CPS1: variants seen among roughly 807,000 people sequenced by gnomAD.
The protein encoded by CPS1 is carbamoyl-phosphate synthase [ammonia], mitochondrial.
CPS1 carries 109 observed loss-of-function variants against 174.6 expected under a neutral mutation model. The observed-to-expected ratio is 0.62, with a 90% CI of 0.53 to 0.73. The LOEUF is 0.73. CPS1 is among the 30% of genes least tolerant of loss of function. The pLI, the probability that CPS1 is intolerant of heterozygous loss-of-function variation, is 0.00. For synonymous variants in CPS1, 637 were observed against 632.0 expected, an observed-to-expected ratio of 1.01 and a Z score of -0.12; for missense variants, 1,689 against 1,821.9, an observed-to-expected ratio of 0.93 and a Z score of 1.33.
chr2:210,609,617 C>T (rs1237697231), intron 19 of CPS1, among the ~76,000 whole-genome samples: 2 of 151,930 alleles, frequency 1.3e-5, no homozygotes, highest in African/African-American at 4.8e-5. Context: ...TATCATTTGT[C>T]TATCTACCAT....
At chr2:210,491,336 TTTGAGAC>T (rs1694871570) in intron 1 of CPS1, among the ~76,000 whole-genome samples, 1 of 91,156 alleles carries the variant, frequency 1.1e-5, no homozygotes, top group Admixed American at 1.3e-4. Flanking sequence ...TTTTTTTTTT[TTTGAGAC>T]GGAGTCTTGT....
chr2:210,677,123 T>A lies in CPS1; in HGVS notation c.4391T>A (p.Leu1464His). 6.2e-7 allele frequency: 1 copy of A among 1,613,870 alleles called. No individual in the cohort carries two copies. Among genetic ancestry groups the A allele is most frequent in the Non-Finnish European group, 8.5e-7 (1 of 1,179,760 alleles). The change falls in exon 37 of 38, where the codon CTC (leucine) becomes CAC (histidine). Residue 1464 changes from leucine to histidine, a missense_variant. By Grantham distance (99) the Leu-to-His change is moderately conservative (BLOSUM62 -3). Transcript: ENST00000233072. ...RTAVDSGIPL[L>H]TNFQVTKLFA... is the part of the protein sequence containing the mutation. ...GCTGTTGATAGTGGAATCCCTCTCCTCACTAATTTTCAGGTATAGTCTTTT... is the reference window on the plus strand; with the variant it reads ...GCTGTTGATAGTGGAATCCCTCTCCACACTAATTTTCAGGTATAGTCTTTT...
At chr2:210,670,137 T>G (rs1339441282) in intron 34 of CPS1, among the ~76,000 whole-genome samples, 1 of 152,102 alleles carries the variant, frequency 6.6e-6, no homozygotes, top group African/African-American at 2.4e-5. Context: ...TTAAAAGAAA[T>G]AAATGTTCTA....
chr2:210,479,913 TC>T (rs1694515067), intron 1 of CPS1, among the ~76,000 whole-genome samples: 1 of 152,162 alleles, frequency 6.6e-6, no homozygotes, highest in Admixed American at 6.5e-5. Flanking sequence ...CTTCTGGAAA[TC>T]TGGGATGATT....
rs777916457 is a variant in CPS1, at chr2:210,663,143, C to T, written c.3948C>T (p.Pro1316=). 1 of 1,613,874 alleles carries T rather than the reference C, an allele frequency of 6.2e-7. No homozygotes were observed. The highest frequency in any genetic ancestry group is 8.5e-7 in the Non-Finnish European group (1 of 1,179,986). Residue 1316 remains proline (P), a synonymous_variant, in exon 33 of 38, where the codon CCC becomes CCT. Transcript: ENST00000233072. ...VAIKAPMFSW[P]RLRDADPILR... is the part of the protein sequence containing the mutation. ...AACAGGCTCCCATGTTTTCCTGGCC[C>T]CGGTTGAGGGATGCTGACCCCATTC...
Position 210,608,465 on chromosome 2 carries a change from T to G in CPS1, c.2297T>G (p.Leu766Arg). 6.2e-7 allele frequency: 1 copy of G among 1,612,538 alleles called. No individual in the cohort carries two copies. Among genetic ancestry groups the G allele is most frequent in the Middle Eastern group, 1.7e-4 (1 of 6,050 alleles). ...ACATCAGCCTGTTTTGAACCTAGCC[T>G]GGATTACATGGTCACCAAGATTCCC... The part of the protein sequence containing the change: ...GKTSACFEPS[L>R]DYMVTKIPRW... The change falls in exon 19 of 38, where the codon CTG becomes CGG. Residue 766 changes from leucine (L) to arginine (R), a missense_variant. Coordinates refer to ENST00000233072, the MANE Select transcript of CPS1 (RefSeq NM_001875.5).
intron 24 of CPS1, among the ~76,000 whole-genome samples, chr2:210,641,867 G>C (rs1700236415): frequency 6.6e-6 from 1 of 152,198 alleles, no homozygotes; most frequent in African/African-American, 2.4e-5. Context: ...CATCCCAGTA[G>C]ACGTGATATT....
intron 4 of CPS1, among the ~76,000 whole-genome samples, chr2:210,577,903 T>G (rs1461662220): frequency 6.6e-6 from 1 of 152,260 alleles, no homozygotes; most frequent in East Asian, 1.9e-4. Flanking sequence ...TACTGTTAAC[T>G]GGTTGTGTAA....
In CPS1 at chr2:210,608,492, G is replaced by A. The variant is rs766970243; in HGVS notation, c.2324G>A (p.Arg775His). ...GATTACATGGTCACCAAGATTCCCC[G>A]CTGGGATCTTGACCGTTTTCATGGA... ...SLDYMVTKIP[R>H]WDLDRFHGTS... Residue 775 changes from arginine to histidine, a missense_variant, in exon 19 of 38, where the codon CGC (arginine) becomes CAC (histidine). Transcript: ENST00000233072. 7.4e-6 allele frequency: 12 copies of A among 1,612,326 alleles called. No homozygotes were observed. Among genetic ancestry groups the A allele is most frequent in the South Asian group, 1.1e-5 (1 of 91,046 alleles).
chr2:210,645,762 G>C (rs1472777880), intron 25 of CPS1, among the ~76,000 whole-genome samples: 1 of 152,186 alleles, frequency 6.6e-6, no homozygotes, highest in Non-Finnish European at 1.5e-5. Flanking sequence ...CAGCGTTCAT[G>C]TACAAGCTCT....
At chr2:210,604,530 GC>G (rs1425279729) in intron 16 of CPS1, among the ~76,000 whole-genome samples, 1 of 151,750 alleles carries the variant, frequency 6.6e-6, no homozygotes, top group Non-Finnish European at 1.5e-5. Context: ...GAGTATTTAA[GC>G]ATTTAGGCAG....
intron 1 of CPS1, among the ~76,000 whole-genome samples, chr2:210,559,031 C>T (rs762580315): frequency 6.6e-6 from 1 of 152,078 alleles, no homozygotes; most frequent in African/African-American, 2.4e-5. Context: ...CCCAAGGGGA[C>T]TTGTGTTATT....
chr2:210,586,371 T>C (rs1698108501), intron 6 of CPS1, among the ~76,000 whole-genome samples: 1 of 152,104 alleles, frequency 6.6e-6, no homozygotes, highest in South Asian at 2.1e-4. Context: ...TTCATATGAC[T>C]TCCCCTTGTT....
chr2:210,673,101 T>G (rs1258274692), intron 34 of CPS1: 1 of 152,266 alleles, frequency 6.6e-6, no homozygotes, highest in Non-Finnish European at 1.5e-5. Context: ...ATCACTAATA[T>G]GGTTTATAAA....
chr2:210,562,945 T>C (rs1254062876), intron 1 of CPS1, among the ~76,000 whole-genome samples: 1 of 151,640 alleles, frequency 6.6e-6, no homozygotes, highest in East Asian at 1.9e-4. Flanking sequence ...AACATTTTAG[T>C]GGTGGAGTCT....
chr2:210,620,539 T>C (rs1042339982), intron 21 of CPS1, among the ~76,000 whole-genome samples: 1 of 152,050 alleles, frequency 6.6e-6, no homozygotes, highest in Admixed American at 6.6e-5. Context: ...TCTGTAAACT[T>C]CACAGGAAGT....
chr2:210,654,173 T>C lies in CPS1; in HGVS notation c.3558+71T>C, dbSNP rs560343484. ...TTTTTTCTTTAACAATTTTGAAATATTGACAGGTTAGAATTCATAATATCT... is the reference window on the plus strand; with the variant it reads ...TTTTTTCTTTAACAATTTTGAAATACTGACAGGTTAGAATTCATAATATCT... On this transcript the variant is annotated intron_variant, in intron 29 of 37. Transcript: ENST00000233072. The C allele has an allele frequency of 6.9e-5, 94 of 1,353,576 alleles. No homozygotes were observed. The African/African-American group carries it at 1.1e-3, about 16-fold the overall frequency. The allele number at this position is 1,353,576 out of a possible 1,614,324, so 83.8% of individuals were successfully genotyped here. A position where few individuals can be genotyped will look rare whatever the true frequency, so the allele number is the denominator to read the frequency against.
chr2:210,652,348 G>A (rs1700583370), intron 28 of CPS1, among the ~76,000 whole-genome samples: 1 of 152,198 alleles, frequency 6.6e-6, no homozygotes, highest in South Asian at 2.1e-4. Flanking sequence ...TGAGTGTGCT[G>A]TAGTACACAG....
chr2:210,513,373 T>C (rs1695584018), intron 1 of CPS1, among the ~76,000 whole-genome samples: 1 of 151,744 alleles, frequency 6.6e-6, no homozygotes, highest in Non-Finnish European at 1.5e-5. Context: ...CAGCCATTCC[T>C]ACTGGTGTGA....
Sources: allele counts gnomAD v4.1 joint callset (sites outside exome capture counted in the v4.1 genomes callset), GRCh38; gene constraint gnomAD v4.1.1; transcripts MANE v1.5; gene names NCBI Gene and HGNC (gene_info 2026-07-23, HGNC 2026-07-21).